The following ADCY3 variants were observed in gnomAD, a reference collection of about 807,000 sequenced individuals.
ADCY3 encodes the protein adenylate cyclase type 3.
ADCY3 carries 70 observed loss-of-function variants against 119.4 expected under a neutral mutation model. That is an observed-to-expected ratio of 0.59 (90% CI 0.48 to 0.72). The LOEUF is 0.72. ADCY3 is among the 30% of genes least tolerant of loss of function. The probability of loss-of-function intolerance (pLI) is 0.00; values close to 1 mark genes in which losing one functional copy is unlikely to be tolerated. For missense variants in ADCY3, 1,238 were observed against 1,541.6 expected (o/e 0.80, Z 3.30); for synonymous variants, 672 against 621.4 (o/e 1.08, Z -1.21).
rs1668332861 is a variant in ADCY3 at position 24,824,646 on chromosome 2, T to C, written c.2578-110A>G. 7 of 1,276,600 alleles carry C rather than the reference T, an allele frequency of 5.5e-6. No homozygotes were observed. The South Asian group carries it at 8.3e-5, about 15-fold the overall frequency. The allele number at this position is 1,276,600 out of a possible 1,614,324, so 79.1% of individuals were successfully genotyped here. On this transcript the variant is annotated intron_variant, in intron 16 of 21. Transcript: ENST00000679454. ...GTTCATGCCTGTAATCCCAGCACTT[T>C]GGGAGGCCGAGGCAGGCGGATCACC...
At chr2:24,870,504 A>T (rs1176612038) in intron 3 of ADCY3, among the ~76,000 whole-genome samples, 3 of 151,984 alleles carry the variant, frequency 2.0e-5, no homozygotes, top group African/African-American at 7.3e-5. Flanking sequence ...AGGCCTGAGG[A>T]TGCACCTTAC....
intron 3 of ADCY3, among the ~76,000 whole-genome samples, chr2:24,856,153 T>C (rs1672969733): frequency 6.6e-6 from 1 of 152,160 alleles, no homozygotes; most frequent in Non-Finnish European, 1.5e-5. Context: ...AGTGCTCAGG[T>C]GGCTGGGAAT....
chr2:24,908,060 G>A (rs989886698), intron 2 of ADCY3, among the ~76,000 whole-genome samples: 5 of 151,804 alleles, frequency 3.3e-5, no homozygotes, highest in East Asian at 1.9e-4. Context: ...GATGGCTCAC[G>A]CCTGTAATCC....
chr2:24,916,501 G>A (rs900741616), intron 2 of ADCY3, among the ~76,000 whole-genome samples: 3 of 152,186 alleles, frequency 2.0e-5, no homozygotes, highest in Non-Finnish European at 2.9e-5. Flanking sequence ...GGCCAACATG[G>A]TGAAACCTTG....
chr2:24,894,441 G>A (rs760136747), intron 2 of ADCY3, among the ~76,000 whole-genome samples: 2 of 152,180 alleles, frequency 1.3e-5, no homozygotes, highest in Non-Finnish European at 2.9e-5. Flanking sequence ...TGCCACTGCT[G>A]TCGAGCCTGG....
At chr2:24,862,114 C>T (rs773661039) in intron 3 of ADCY3, among the ~76,000 whole-genome samples, 1 of 152,178 alleles carries the variant, frequency 6.6e-6, no homozygotes, top group Non-Finnish European at 1.5e-5. Flanking sequence ...CCTCCCCAAC[C>T]CCCAGTACAG....
In ADCY3 at chr2:24,865,437, G is replaced by A. The variant is rs1241907893; in HGVS notation, c.825+7133C>T. On this transcript the variant is annotated intron_variant, in intron 3 of 21. Coordinates refer to ENST00000679454, the MANE Select transcript of ADCY3 (RefSeq NM_004036.5). ...AGCCTCAGCAACAGAGTGAGACTCT[G>A]TCTCAAAAAAAGAAAAATAGATTTA... Among the ~76,000 whole-genome samples the A allele has an allele frequency of 5.3e-5, 8 of 151,044 alleles. No homozygotes were observed. The East Asian group carries it at 1.5e-3, about 29-fold the overall frequency.
chr2:24,846,578 ATTT>A (rs111318790), intron 3 of ADCY3, among the ~76,000 whole-genome samples: 8 of 139,270 alleles, frequency 5.7e-5, no homozygotes, highest in South Asian at 2.3e-4. Context: ...TTTGCTTTTG[ATTT>A]TTTTTTTTTT....
chr2:24,883,214 G>T (rs1676616474), intron 2 of ADCY3, among the ~76,000 whole-genome samples: 1 of 152,104 alleles, frequency 6.6e-6, no homozygotes, highest in Non-Finnish European at 1.5e-5. Flanking sequence ...TGGGCATGGT[G>T]GCGGGCACCT....
intron 8 of ADCY3, 95 bp from the exon 9 acceptor site, chr2:24,837,140 T>G (rs781674908): frequency 2.9e-6 from 4 of 1,388,400 alleles, no homozygotes; most frequent in Non-Finnish European, 3.9e-6. Context: ...GCGGTGGGAT[T>G]AGAGAGCAAT....
chr2:24,912,814 A>G (rs766678246), intron 2 of ADCY3, among the ~76,000 whole-genome samples: 13 of 152,222 alleles, frequency 8.5e-5, no homozygotes, highest in Non-Finnish European at 1.5e-4. Flanking sequence ...TTGCATATGC[A>G]TGATGATGAC....
intron 12 of ADCY3, among the ~76,000 whole-genome samples, chr2:24,831,255 T>C (rs1156545872): frequency 6.6e-6 from 1 of 150,736 alleles, no homozygotes; most frequent in African/African-American, 2.4e-5. Flanking sequence ...CTCTGCTTGG[T>C]ACCTCAGTGC....
intron 2 of ADCY3, among the ~76,000 whole-genome samples, chr2:24,907,890 A>G (rs972975449): frequency 6.6e-6 from 1 of 152,044 alleles, no homozygotes; most frequent in Non-Finnish European, 1.5e-5. Flanking sequence ...GCTACTTGGG[A>G]GGCTAAGGCA....
intron 3 of ADCY3, among the ~76,000 whole-genome samples, chr2:24,849,763 G>T (rs950511277): frequency 2.0e-5 from 3 of 152,130 alleles, no homozygotes; most frequent in Admixed American, 6.5e-5. Context: ...GAGGAGGGGG[G>T]TCTGGGAGAC....
At chr2:24,886,093 CCAAA>C (rs1676987776) in intron 2 of ADCY3, among the ~76,000 whole-genome samples, 1 of 152,208 alleles carries the variant, frequency 6.6e-6, no homozygotes, top group African/African-American at 2.4e-5. Context: ...AAAATATTTG[CCAAA>C]CAGATGTCTC....
chr2:24,877,406 TGA>T, intron 2 of ADCY3, among the ~76,000 whole-genome samples: 1 of 152,260 alleles, frequency 6.6e-6, no homozygotes, highest in African/African-American at 2.4e-5. Context: ...AGCCTTCCAG[TGA>T]GCATCCCCTA....
At chr2:24,831,539 C>G (rs1168546609) in intron 12 of ADCY3, 123 bp downstream of exon 12, 22 of 786,936 alleles carry the variant, frequency 2.8e-5, no homozygotes, top group Non-Finnish European at 4.1e-5. Context: ...CCTGGACCGT[C>G]CTAACAGAGG....
At chr2:24,843,643 G>A (rs988827025) in intron 3 of ADCY3, among the ~76,000 whole-genome samples, 2 of 152,266 alleles carry the variant, frequency 1.3e-5, no homozygotes, top group African/African-American at 4.8e-5. Flanking sequence ...GAGGTCTGTG[G>A]CTTGGGCGGT....
chr2:24,832,189 C>G (rs1417719047), intron 11 of ADCY3: 3 of 168,706 alleles, frequency 1.8e-5, no homozygotes, highest in African/African-American at 7.2e-5. Context: ...GGACAAAGGC[C>G]CTGATGAGAC....
Sources: gnomAD v4.1 joint callset for allele counts (sites outside exome capture counted in the v4.1 genomes callset) on GRCh38, gnomAD v4.1.1 for gene constraint, MANE v1.5 for transcripts, NCBI Gene and HGNC (gene_info 2026-07-23, HGNC 2026-07-21) for gene names.